The following CNTRL variants were observed in gnomAD, a reference collection of about 807,000 sequenced individuals.
CNTRL encodes centriolin.
In CNTRL, 233 loss-of-function variants were observed where a neutral mutation model predicts 303.7. That is an observed-to-expected ratio of 0.77 (90% CI 0.69 to 0.86). The LOEUF (loss-of-function observed/expected upper bound fraction) is 0.86, where lower values mean the gene tolerates loss of function less well. Among genes scored for constraint, CNTRL ranks in the 40% least tolerant of loss-of-function variants. The pLI is 0.00. For synonymous variants in CNTRL, 900 were observed against 922.2 expected (o/e 0.98, Z 0.44); for missense variants, 2,524 against 2,650.6 (o/e 0.95, Z 1.05).
intron 7 of CNTRL, among the ~76,000 whole-genome samples, chr9:121,107,207 G>A (rs145759839): frequency 3.9e-5 from 6 of 152,268 alleles, no homozygotes; most frequent in Admixed American, 1.3e-4. Flanking sequence ...TAGCCCAGTA[G>A]GAGGTAGAGG....
chr9:121,116,546 C>T (rs2049986595), intron 11 of CNTRL, among the ~76,000 whole-genome samples: 1 of 152,034 alleles, frequency 6.6e-6, no homozygotes, highest in Non-Finnish European at 1.5e-5. Flanking sequence ...TGGTCTTGAA[C>T]TCTTAGGCTC....
chr9:121,145,390 A>C lies in CNTRL; in HGVS notation c.3310+5A>C. Reference sequence around the variant, plus strand: ...TACTAGACCTCACTGGAAGTGGTAAAGTATTGGGCTTTGATTTTTGGCAGT... The same window carrying C: ...TACTAGACCTCACTGGAAGTGGTAACGTATTGGGCTTTGATTTTTGGCAGT... On this transcript the variant is annotated splice_donor_5th_base_variant and intron_variant, in intron 22 of 43. Coordinates refer to ENST00000373855, the MANE Select transcript of CNTRL (RefSeq NM_007018.6). 1 of 1,586,432 alleles carries C rather than the reference A, an allele frequency of 6.3e-7. No individual in the cohort carries two copies. Among genetic ancestry groups the C allele is most frequent in the Non-Finnish European group, 8.5e-7 (1 of 1,170,578 alleles).
intron 34 of CNTRL, among the ~76,000 whole-genome samples, chr9:121,163,129 C>T (rs989218857): frequency 6.7e-6 from 1 of 150,086 alleles, no homozygotes; most frequent in African/African-American, 2.5e-5. Context: ...CACTTGAGCC[C>T]AGGAGTTTGA....
Position 121,090,468 on chromosome 9 carries a change from C to T in CNTRL, c.348+63C>T, listed in dbSNP as rs373883466. ...TTAACTTTTCTGTGCTTTAATACTG[C>T]GAAAAAAAATTATCCTAATGTCACC... On this transcript the variant is annotated intron_variant, in intron 4 of 43. Transcript: ENST00000373855. 7.6e-5 allele frequency: 111 copies of T among 1,459,978 alleles called. 1 individual carries two copies. The Middle Eastern group carries it at 9.5e-4, about 12-fold the overall frequency. 90.4% of individuals were successfully genotyped at this position (1,459,978 alleles called of 1,614,324 possible).
intron 40 of CNTRL, 118 bp from the exon 41 acceptor site, chr9:121,173,125 C>A: frequency 1.1e-6 from 1 of 886,130 alleles, no homozygotes. Flanking sequence ...TTTTACAGTT[C>A]TAGTAATCAT....
At chr9:121,161,723 C>A in intron 32 of CNTRL, 133 bp from the exon 33 acceptor site, 1 of 581,862 alleles carries the variant, frequency 1.7e-6, no homozygotes, top group Non-Finnish European at 3.1e-6. Flanking sequence ...ATAAAATTAG[C>A]ACCATTAATT....
chr9:121,135,001 T>C (rs559738816), intron 14 of CNTRL, among the ~76,000 whole-genome samples: 1 of 152,356 alleles, frequency 6.6e-6, no homozygotes, highest in South Asian at 2.1e-4. Context: ...AATGATTGAA[T>C]TGCCAAGTGG....
chr9:121,152,709 T>C lies in CNTRL; in HGVS notation c.4172+16T>C, dbSNP rs369506061. On this transcript the variant is annotated intron_variant, in intron 26 of 43. Transcript: ENST00000373855. ...AACAGCAAAAGTAATTAATATATTTTTTATAATTCAGACAAATACGATATT... is the reference window on the plus strand; with the variant it reads ...AACAGCAAAAGTAATTAATATATTTCTTATAATTCAGACAAATACGATATT... 16 of 1,550,866 alleles carry C rather than the reference T, an allele frequency of 1.0e-5. 1 individual carries two copies. The African/African-American group carries it at 1.1e-4, about 11-fold the overall frequency.
At chr9:121,091,884 CTTTTTTT>C (rs148922615) in intron 4 of CNTRL, among the ~76,000 whole-genome samples, 4 of 74,970 alleles carry the variant, frequency 5.3e-5, no homozygotes, top group African/African-American at 1.0e-4. Flanking sequence ...GAGGTCTTCT[CTTTTTTT>C]TTTTTTTTTT....
In CNTRL at chr9:121,098,536, C is replaced by T; in HGVS notation, c.772C>T (p.Gln258Ter). 1.9e-6 allele frequency: 3 copies of T among 1,609,772 alleles called. No homozygotes were observed. Among genetic ancestry groups the T allele is most frequent in the Non-Finnish European group, 2.5e-6 (3 of 1,178,674 alleles). ...ESLEGQPVTTQDRQEAFERFS... is the reference protein window; with the variant it reads ...ESLEGQPVTT ...TTTGGAAGGTCAGCCAGTAACCACT[C>T]AGGATAGACAGGAGGCTTTTGAGAG... is the stretch of plus-strand genomic sequence containing the variant. The change falls in exon 7 of 44, where the codon CAG becomes TAG. Residue 258 changes from glutamine to a stop codon, truncating the protein, a stop_gained. Transcript: ENST00000373855. LOFTEE classifies it high-confidence loss of function.
At chr9:121,174,953 A>C in intron 42 of CNTRL, 65 bp from the exon 43 acceptor site, 1 of 1,408,170 alleles carries the variant, frequency 7.1e-7, no homozygotes, top group South Asian at 1.2e-5. Context: ...GTATGTGAGG[A>C]AGCTGAGCGG....
chr9:121,090,046 A>G (rs923935816), intron 3 of CNTRL, among the ~76,000 whole-genome samples: 9 of 129,912 alleles, frequency 6.9e-5, no homozygotes, highest in East Asian at 2.9e-4. Context: ...CATTATAGTT[A>G]TTACATTATA....
intron 2 of CNTRL, among the ~76,000 whole-genome samples, chr9:121,083,899 G>A (rs937364808): frequency 1.3e-5 from 2 of 152,234 alleles, no homozygotes; most frequent in African/African-American, 2.4e-5. Context: ...TATGTGGTCC[G>A]TTGTTGACCA....
At position 121,168,190 on chromosome 9, in the gene CNTRL, A is replaced by C; in HGVS notation, c.5939A>C (p.Lys1980Thr). Residue 1980 changes from lysine to threonine, a missense_variant, in exon 38 of 44, where the codon AAG becomes ACG. Coordinates refer to ENST00000373855, the MANE Select transcript of CNTRL (RefSeq NM_007018.6). ...TLKEQQHQLEKELTDQKSKLD... is the reference protein window; with the variant it reads ...TLKEQQHQLETELTDQKSKLD... Reference sequence around the variant, plus strand: ...AAGGAGCAACAGCACCAGCTGGAAAAGGAATTAACAGACCAGAAAAGCAAA... The same window carrying C: ...AAGGAGCAACAGCACCAGCTGGAAACGGAATTAACAGACCAGAAAAGCAAA... 1 of 1,614,202 alleles carries C rather than the reference A, an allele frequency of 6.2e-7. No individual in the cohort carries two copies. Among genetic ancestry groups the C allele is most frequent in the Non-Finnish European group, 8.5e-7 (1 of 1,180,034 alleles).
intron 36 of CNTRL, among the ~76,000 whole-genome samples, chr9:121,167,270 C>CACT (rs1428383142): frequency 6.6e-6 from 1 of 151,338 alleles, no homozygotes; most frequent in African/African-American, 2.4e-5. Flanking sequence ...GAGATCATGC[C>CACT]ACTGCACTCC....
intron 14 of CNTRL, among the ~76,000 whole-genome samples, chr9:121,129,347 C>T (rs1471535629): frequency 6.6e-6 from 1 of 152,122 alleles, no homozygotes; most frequent in Non-Finnish European, 1.5e-5. Context: ...TTGAAGACGT[C>T]CTTCACATCC....
At chr9:121,099,639 G>A (rs528788549) in intron 7 of CNTRL, among the ~76,000 whole-genome samples, 2 of 152,262 alleles carry the variant, frequency 1.3e-5, no homozygotes, top group Admixed American at 6.5e-5. Flanking sequence ...TGAACCCATC[G>A]CAAAGAAAGT....
intron 7 of CNTRL, among the ~76,000 whole-genome samples, chr9:121,103,465 A>T (rs1000833545): frequency 6.6e-6 from 1 of 152,346 alleles, no homozygotes; most frequent in East Asian, 1.9e-4. Flanking sequence ...AACCTAGGCA[A>T]TACTATTCAG....
intron 7 of CNTRL, 67 bp from the exon 8 acceptor site, chr9:121,107,735 A>G (rs2049545866): frequency 9.8e-7 from 1 of 1,018,882 alleles, no homozygotes; most frequent in East Asian, 2.9e-5. Context: ...ATTGTTTGAG[A>G]AATATTCTTA....
Sources: allele counts gnomAD v4.1 joint callset (sites outside exome capture counted in the v4.1 genomes callset), GRCh38; gene constraint gnomAD v4.1.1; transcripts MANE v1.5; gene names NCBI Gene and HGNC (gene_info 2026-07-23, HGNC 2026-07-21).